Variants in SLC39A1 observed in about 807,000 individuals in gnomAD.
The protein encoded by SLC39A1 is solute carrier family 39 member 1.
In SLC39A1, 17 loss-of-function variants were observed where a neutral mutation model predicts 21.4. The ratio of observed to expected loss-of-function variants is 0.79; its 90% CI spans 0.54 to 1.19. The LOEUF (loss-of-function observed/expected upper bound fraction) is 1.19. Among genes scored for constraint, SLC39A1 ranks in the 50% most tolerant of loss-of-function variants. The pLI is 0.00. For missense variants in SLC39A1, 343 were observed against 399.8 expected (o/e 0.86, Z 1.21); for synonymous variants, 183 against 185.9 (o/e 0.98, Z 0.13).
chr1:153,965,894 TCTC>T (rs1454843926), upstream of SLC39A1, among the ~76,000 whole-genome samples: 1 of 151,794 alleles, frequency 6.6e-6, no homozygotes, highest in Non-Finnish European at 1.5e-5. Flanking sequence ...GCCCAATAGA[TCTC>T]CTCAATTTTA....
chr1:153,962,623 C>G lies in SLC39A1; in HGVS notation c.93G>C (p.Leu31Phe), dbSNP rs1237098899. 4 of 1,613,474 alleles carry G rather than the reference C, an allele frequency of 2.5e-6. No homozygotes were observed. In the East Asian group the frequency reaches 6.7e-5, roughly 27 times the overall value. ...GCACCAGCAGCAGCACCAGGGCCCC[C>G]AACTTCACCTCCAGCCCCACAGGCA... is the stretch of plus-strand genomic sequence containing the variant. The part of the protein sequence containing the change: ...PPVPVGLEVK[L>F]GALVLLLVLT... Residue 31 changes from leucine to phenylalanine, a missense_variant, in exon 2 of 4, where the codon TTG becomes TTC. Physicochemically the swap from Leu to Phe is conservative, Grantham distance 22. Transcript: ENST00000356205.
At position 153,960,488 on chromosome 1, in the gene SLC39A1, C is replaced by A; in HGVS notation, c.585G>T (p.Gly195=). Residue 195 remains glycine (G), a synonymous_variant, in exon 4 of 4, where the codon GGG becomes GGT. Transcript: ENST00000356205. The part of the protein sequence containing the change: ...FSLALHSVFE[G]LAVGLQRDRA... ...GGTCTCGCTGCAGCCCTACCGCCAGCCCCTCGAACACGGAGTGGAGGGCCA... is the reference window on the plus strand; with the variant it reads ...GGTCTCGCTGCAGCCCTACCGCCAGACCCTCGAACACGGAGTGGAGGGCCA... 1 of 1,613,294 alleles carries A rather than the reference C, an allele frequency of 6.2e-7. No homozygotes were observed. Among genetic ancestry groups the A allele is most frequent in the Non-Finnish European group, 8.5e-7 (1 of 1,179,682 alleles).
chr1:153,966,807 C>T (rs1021370776), upstream of SLC39A1: 1 of 152,184 alleles, frequency 6.6e-6, no homozygotes, highest in African/African-American at 2.4e-5. Context: ...CACCCAGCTA[C>T]CCTTTTCTGA....
chr1:153,963,220 CT>C, intron 1 of SLC39A1: 1 of 153,400 alleles, frequency 6.5e-6, no homozygotes, highest in Non-Finnish European at 1.5e-5. Context: ...CATCGTTCCC[CT>C]TTTCCCAGCG....
Position 153,960,188 on chromosome 1 carries a change from C to G in SLC39A1, c.885G>C (p.Glu295Asp), listed in dbSNP as rs1178752060. 2 of 1,614,138 alleles carry G rather than the reference C, an allele frequency of 1.2e-6. No individual in the cohort carries two copies. Among genetic ancestry groups the G allele is most frequent in the Non-Finnish European group, 1.7e-6 (2 of 1,180,052 alleles). ...GGATCCTTTGCTCAGAACTGGCCAG[C>G]TCCTGGGGCAGGATTTCCAGAAAGG... ...YITFLEILPQ[E>D]LASSEQRILK... Residue 295 changes from glutamate to aspartate, a missense_variant, in exon 4 of 4, where the codon GAG becomes GAC. Glu to Asp is a conservative substitution (Grantham distance 45). Coordinates refer to ENST00000356205, the MANE Select transcript of SLC39A1 (RefSeq NM_001271958.2).
At position 153,959,985 on chromosome 1, in the gene SLC39A1, T is replaced by C; in HGVS notation, c.*113A>G. 7.5e-7 allele frequency: 1 copy of C among 1,335,482 alleles called. No individual in the cohort carries two copies. The highest frequency in any genetic ancestry group is 1.0e-6 in the Non-Finnish European group (1 of 977,270). 82.7% of individuals were successfully genotyped at this position (1,335,482 alleles called of 1,614,324 possible). On this transcript the variant is annotated 3_prime_UTR_variant, in exon 4 of 4. Transcript: ENST00000356205. ...CTATCTTTAGCTCCCAGAGAACTTT[T>C]TGGTCCTCAGTATTTCCCTTCCCCT...
In SLC39A1 at chr1:153,962,283, G is replaced by A. The variant is rs1289107374; in HGVS notation, c.255C>T (p.Leu85=). ...FAGGVFLATC[L]LDLLPDYLAA... ...CCAGGTAGTCAGGCAGCAGGTCCAG[G>A]AGACAAGTGGCCAAAAAGACGCCCC... Residue 85 remains leucine (L), a synonymous_variant, in exon 3 of 4, where the codon CTC becomes CTT. Coordinates refer to ENST00000356205, the MANE Select transcript of SLC39A1 (RefSeq NM_001271958.2). 8 of 1,614,104 alleles carry A rather than the reference G, an allele frequency of 5.0e-6. No individual in the cohort carries two copies. Among genetic ancestry groups the A allele is most frequent in the Non-Finnish European group, 6.8e-6 (8 of 1,180,010 alleles).
At chr1:153,963,776 T>C (rs1647639151), upstream of SLC39A1, 1 of 152,500 alleles carries the variant, frequency 6.6e-6, no homozygotes, top group Non-Finnish European at 1.5e-5. Context: ...GGGGCGCATC[T>C]GTGGAGGACT....
upstream of SLC39A1, chr1:153,966,416 T>A (rs1378685217): frequency 6.6e-6 from 1 of 152,184 alleles, no homozygotes; most frequent in African/African-American, 2.4e-5. Context: ...GAGGCCGAGG[T>A]GGACGGATCA....
chr1:153,962,221 G>C lies in SLC39A1; in HGVS notation c.317C>G (p.Thr106Arg), dbSNP rs565880662. 13 of 1,613,826 alleles carry C rather than the reference G, an allele frequency of 8.1e-6. No homozygotes were observed. The East Asian group carries it at 2.9e-4, about 36-fold the overall frequency. The change falls in exon 3 of 4, where the codon ACG (threonine) becomes AGG (arginine). Residue 106 changes from threonine to arginine, a missense_variant and splice_region_variant. Thr to Arg is a moderately conservative substitution (Grantham distance 71). Transcript: ENST00000356205. Reference protein sequence around the residue: ...IDEALAALHVTLQFPLQEFIL... With the variant: ...IDEALAALHVRLQFPLQEFIL... ...TCACATGCCCAGGCCAGTGCTCACC[G>C]TCACGTGCAAGGCTGCCAGGGCCTC...
Position 153,960,768 on chromosome 1 carries a change from C to T in SLC39A1, c.319-14G>A. Reference sequence around the variant, plus strand: ...TGGGAACTGGAGCTGTGGGCAGAAGCAGCAGCAAAATGTTCAGGGAAGGAA... The same window carrying T: ...TGGGAACTGGAGCTGTGGGCAGAAGTAGCAGCAAAATGTTCAGGGAAGGAA... On this transcript the variant is annotated splice_polypyrimidine_tract_variant and intron_variant, in intron 3 of 3. Transcript: ENST00000356205. 6.3e-7 allele frequency: 1 copy of T among 1,596,850 alleles called. No homozygotes were observed. The highest frequency in any genetic ancestry group is 2.2e-5 in the East Asian group (1 of 44,694).
At chr1:153,964,624 T>C (rs1647681974), upstream of SLC39A1, 1 of 152,092 alleles carries the variant, frequency 6.6e-6, no homozygotes, top group African/African-American at 2.4e-5. Context: ...GCCCAGTAAT[T>C]CCTTAAGTAA....
chr1:153,962,312 C>A lies in SLC39A1; in HGVS notation c.226G>T (p.Ala76Ser), dbSNP rs781141959. 2 of 1,614,120 alleles carry A rather than the reference C, an allele frequency of 1.2e-6. No homozygotes were observed. The highest frequency in any genetic ancestry group is 1.3e-5 in the African/African-American group (1 of 75,030). ...QKALSLVSCF[A>S]GGVFLATCLL... is the part of the protein sequence containing the mutation. Reference sequence around the variant, plus strand: ...CAAGTGGCCAAAAAGACGCCCCCCGCGAAACAGCTTACTAGGCTCAGGGCT... The same window carrying A: ...CAAGTGGCCAAAAAGACGCCCCCCGAGAAACAGCTTACTAGGCTCAGGGCT... Residue 76 changes from alanine (A) to serine (S), a missense_variant, in exon 3 of 4, where the codon GCG becomes TCG. By Grantham distance (99) the Ala-to-Ser change is moderately conservative. Coordinates refer to ENST00000356205, the MANE Select transcript of SLC39A1 (RefSeq NM_001271958.2).
At position 153,960,206 on chromosome 1, in the gene SLC39A1, CAGAAAGGTGATATAG is replaced by C; in HGVS notation, c.852_866del (p.Tyr285_Leu289del). 1.2e-6 allele frequency: 2 copies of C among 1,614,232 alleles called. No homozygotes were observed. The highest frequency in any genetic ancestry group is 1.7e-6 in the Non-Finnish European group (2 of 1,180,046). On this transcript the variant is annotated inframe_deletion, in exon 4 of 4. Transcript: ENST00000356205. ...TGGCCAGCTCCTGGGGCAGGATTTCCAGAAAGGTGATATAGAGAAAGGTGCCAGCTGCCATGCCCT... is the reference window on the plus strand; with the variant it reads ...TGGCCAGCTCCTGGGGCAGGATTTCCAGAAAGGTGCCAGCTGCCATGCCCT...
In SLC39A1 at chr1:153,960,176, A is replaced by T. The variant is rs764166258; in HGVS notation, c.897T>A (p.Ser299=). ...GAATGACCTTGAGGATCCTTTGCTC[A>T]GAACTGGCCAGCTCCTGGGGCAGGA... ...LEILPQELAS[S]EQRILKVILL... is the part of the protein sequence containing the mutation. The change falls in exon 4 of 4, where the codon TCT becomes TCA. Residue 299 remains serine (S), a synonymous_variant. Coordinates refer to ENST00000356205, the MANE Select transcript of SLC39A1 (RefSeq NM_001271958.2). 78 of 1,614,152 alleles carry T rather than the reference A, an allele frequency of 4.8e-5. No homozygotes were observed. The highest frequency in any genetic ancestry group is 1.7e-4 in the Admixed American group (10 of 60,016).
rs757056105 is a variant in SLC39A1 at position 153,960,199 on chromosome 1, G to C, written c.874C>G (p.Leu292Val). ...TCAGAACTGGCCAGCTCCTGGGGCA[G>C]GATTTCCAGAAAGGTGATATAGAGA... Reference protein sequence around the residue: ...TFLYITFLEILPQELASSEQR... With the variant: ...TFLYITFLEIVPQELASSEQR... Residue 292 changes from leucine (L) to valine (V), a missense_variant, in exon 4 of 4, where the codon CTG (leucine) becomes GTG (valine). Leu to Val is a conservative substitution (Grantham distance 32). Coordinates refer to ENST00000356205, the MANE Select transcript of SLC39A1 (RefSeq NM_001271958.2). The C allele has an allele frequency of 3.7e-6, 6 of 1,614,140 alleles. No homozygotes were observed. In the African/African-American group the frequency reaches 6.7e-5, roughly 18 times the overall value.
upstream of SLC39A1, among the ~76,000 whole-genome samples, chr1:153,966,170 C>G (rs1207262971): frequency 6.6e-6 from 1 of 152,132 alleles, no homozygotes; most frequent in Non-Finnish European, 1.5e-5. Flanking sequence ...AGCTCTGCAT[C>G]AATCTAGGAA....
rs1222368621 is a variant in SLC39A1 at position 153,959,858 on chromosome 1, CT to C, written c.*239del. On this transcript the variant is annotated 3_prime_UTR_variant, in exon 4 of 4. Coordinates refer to ENST00000356205, the MANE Select transcript of SLC39A1 (RefSeq NM_001271958.2). ...GTGTCTTCCCCAATCCTAATGTCCC[CT>C]GATATGTCTCTAGCGACTTGACCAT... 23 of 521,020 alleles carry C rather than the reference CT, an allele frequency of 4.4e-5. No homozygotes were observed. The highest frequency in any genetic ancestry group is 7.6e-5 in the Non-Finnish European group (22 of 288,598). 32.3% of individuals were successfully genotyped at this position (521,020 alleles called of 1,614,324 possible).
chr1:153,963,342 T>A (rs1355720403), intron 1 of SLC39A1, 153 bp downstream of exon 1: 1 of 152,180 alleles, frequency 6.6e-6, no homozygotes, highest in East Asian at 1.9e-4. Flanking sequence ...CTGAGGGCGG[T>A]GCCTGAAAGT....
Sources: allele counts gnomAD v4.1 joint callset (sites outside exome capture counted in the v4.1 genomes callset), GRCh38; gene constraint gnomAD v4.1.1; transcripts MANE v1.5; gene names NCBI Gene and HGNC (gene_info 2026-07-23, HGNC 2026-07-21).